The following CD2AP variants were observed in gnomAD, a reference collection of about 807,000 sequenced individuals.
CD2AP encodes CD2 associated protein.
A neutral mutation model predicts 85.1 loss-of-function variants in CD2AP; 46 were observed. The observed-to-expected ratio is 0.54, with a 90% CI of 0.43 to 0.69. The LOEUF (loss-of-function observed/expected upper bound fraction) is 0.69. Ranked by LOEUF, CD2AP falls within the 30% of genes least tolerant of loss-of-function variation. The probability of loss-of-function intolerance (pLI) is 0.00; values close to 1 mark genes in which losing one functional copy is unlikely to be tolerated. For synonymous variants in CD2AP, 255 were observed against 252.9 expected, an observed-to-expected ratio of 1.01 and a Z score of -0.08; for missense variants, 769 against 729.5, an observed-to-expected ratio of 1.05 and a Z score of -0.62.
Position 47,607,933 on chromosome 6 carries a change from C to CA in CD2AP, c.1538dup (p.His513GlnfsTer22), listed in dbSNP as rs781043799. 6.2e-7 allele frequency: 1 copy of CA among 1,610,914 alleles called. No individual in the cohort carries two copies. The highest frequency in any genetic ancestry group is 8.5e-7 in the Non-Finnish European group (1 of 1,177,788). ...CTTCTAAAAAATCATTTAGCCAACTCACAGCCCCGAAAAAATCTTGAAGTT... is the reference window on the plus strand; with the variant it reads ...CTTCTAAAAAATCATTTAGCCAACTCAACAGCCCCGAAAAAATCTTGAAGTT... On this transcript the variant is annotated frameshift_variant, in exon 15 of 18. Transcript: ENST00000359314. LOFTEE classifies it high-confidence loss of function.
At chr6:47,617,818 T>A (rs1162647186) in intron 17 of CD2AP, among the ~76,000 whole-genome samples, 1 of 152,220 alleles carries the variant, frequency 6.6e-6, no homozygotes, top group Non-Finnish European at 1.5e-5. Flanking sequence ...ATATGAGGTG[T>A]TTTTATAATT....
intron 5 of CD2AP, among the ~76,000 whole-genome samples, chr6:47,573,225 A>T (rs923574973): frequency 6.6e-6 from 1 of 152,116 alleles, no homozygotes; most frequent in African/African-American, 2.4e-5. Flanking sequence ...AAAATTTTTT[A>T]TTATTATATA....
intron 6 of CD2AP, among the ~76,000 whole-genome samples, chr6:47,575,627 TAGC>T (rs911861231): frequency 2.7e-4 from 41 of 152,330 alleles, no homozygotes; most frequent in Admixed American, 1.6e-3. Context: ...GTAGGTAAGT[TAGC>T]AGTGTGTTCA....
intron 2 of CD2AP, among the ~76,000 whole-genome samples, chr6:47,524,227 G>C (rs995619680): frequency 6.0e-4 from 91 of 152,064 alleles, no homozygotes; most frequent in African/African-American, 2.0e-3. Flanking sequence ...GTAGAAATAA[G>C]GTAAACCAGG....
intron 4 of CD2AP, among the ~76,000 whole-genome samples, chr6:47,549,195 C>T (rs1055366081): frequency 2.0e-5 from 3 of 152,094 alleles, no homozygotes; most frequent in Non-Finnish European, 2.9e-5. Context: ...ACTGGAAGTC[C>T]TAGCCAGAGC....
intron 1 of CD2AP, among the ~76,000 whole-genome samples, chr6:47,490,294 CTT>C (rs1236001777): frequency 5.9e-5 from 9 of 152,166 alleles, no homozygotes; most frequent in Admixed American, 2.6e-4. Flanking sequence ...TCTTAAGAGA[CTT>C]TTAACAAATT....
intron 5 of CD2AP, chr6:47,562,967 C>A: frequency 2.0e-6 from 1 of 496,690 alleles, no homozygotes; most frequent in Non-Finnish European, 3.7e-6. Flanking sequence ...AGGACTATGG[C>A]AAAGAATCTT....
Position 47,596,029 on chromosome 6 carries a change from A to G in CD2AP, c.1274+3A>G, listed in dbSNP as rs369536196. On this transcript the variant is annotated splice_donor_region_variant and intron_variant, in intron 12 of 17. Coordinates refer to ENST00000359314, the MANE Select transcript of CD2AP (RefSeq NM_012120.3). ...CCTCCACCACCTCCTATAGCCAAGTAAGTTTTACCTAATTTTAAATTAGCT... is the reference window on the plus strand; with the variant it reads ...CCTCCACCACCTCCTATAGCCAAGTGAGTTTTACCTAATTTTAAATTAGCT... The G allele has an allele frequency of 6.3e-5, 101 of 1,608,426 alleles. No homozygotes were observed. The African/African-American group carries it at 7.9e-4, about 13-fold the overall frequency.
intron 2 of CD2AP, among the ~76,000 whole-genome samples, chr6:47,505,494 T>G (rs1253468699): frequency 6.7e-6 from 1 of 150,164 alleles, no homozygotes; most frequent in Admixed American, 6.6e-5. Flanking sequence ...GCCCTTCTAT[T>G]CCACAAAGCC....
At chr6:47,611,623 C>G (rs1769444692) in intron 16 of CD2AP, among the ~76,000 whole-genome samples, 1 of 151,384 alleles carries the variant, frequency 6.6e-6, no homozygotes, top group Admixed American at 6.6e-5. Flanking sequence ...TTTACTTTTT[C>G]AAGCTGTTAT....
At chr6:47,566,249 G>A (rs1167065203) in intron 5 of CD2AP, among the ~76,000 whole-genome samples, 3 of 145,736 alleles carry the variant, frequency 2.1e-5, no homozygotes, top group Non-Finnish European at 4.5e-5. Context: ...TTTCAAAGAA[G>A]AATTTGTTGC....
chr6:47,577,808 G>T (rs1768353644), intron 8 of CD2AP, among the ~76,000 whole-genome samples: 2 of 151,778 alleles, frequency 1.3e-5, no homozygotes, highest in Admixed American at 1.3e-4. Flanking sequence ...AAACTCTTGA[G>T]CTCAAGCATT....
chr6:47,615,796 T>TATTC (rs1769566147), intron 17 of CD2AP, among the ~76,000 whole-genome samples: 1 of 121,500 alleles, frequency 8.2e-6, no homozygotes. Context: ...TAATTTAATT[T>TATTC]ATTTATTTAT....
intron 4 of CD2AP, among the ~76,000 whole-genome samples, chr6:47,546,341 A>G (rs908434854): frequency 2.0e-5 from 3 of 152,124 alleles, no homozygotes; most frequent in Non-Finnish European, 4.4e-5. Flanking sequence ...GCCCCCAAGA[A>G]GTCTGGGATT....
At chr6:47,536,065 T>C (rs1300169757) in intron 3 of CD2AP, among the ~76,000 whole-genome samples, 4 of 152,094 alleles carry the variant, frequency 2.6e-5, no homozygotes, top group African/African-American at 9.7e-5. Context: ...AGCTTAGGCC[T>C]TTTTTTCCTA....
At chr6:47,608,981 T>G in intron 15 of CD2AP, 142 bp from the exon 16 acceptor site, 1 of 592,526 alleles carries the variant, frequency 1.7e-6, no homozygotes, top group Middle Eastern at 4.6e-4. Context: ...ATTTTTCCAG[T>G]TGTGAACATC....
intron 1 of CD2AP, among the ~76,000 whole-genome samples, chr6:47,497,513 C>G (rs752559811): frequency 1.3e-4 from 20 of 152,068 alleles, no homozygotes; most frequent in Non-Finnish European, 2.4e-4. Flanking sequence ...CTCACTCAAG[C>G]CATCCTCTCA....
intron 5 of CD2AP, 61 bp from the exon 6 acceptor site, chr6:47,574,003 C>A: frequency 7.2e-7 from 1 of 1,394,284 alleles, no homozygotes; most frequent in Non-Finnish European, 1.0e-6. Context: ...GACATTATGA[C>A]AGGATGTCAA....
intron 2 of CD2AP, among the ~76,000 whole-genome samples, chr6:47,530,756 T>C (rs1766853939): frequency 6.6e-6 from 1 of 152,212 alleles, no homozygotes. Context: ...TAAGTGTTTA[T>C]GAAAATGCTA....
Sources: gnomAD v4.1 joint callset for allele counts (sites outside exome capture counted in the v4.1 genomes callset) on GRCh38, gnomAD v4.1.1 for gene constraint, MANE v1.5 for transcripts, NCBI Gene and HGNC (gene_info 2026-07-23, HGNC 2026-07-21) for gene names.